The following TSPAN5 variants were observed in gnomAD, a reference collection of about 807,000 sequenced individuals.
The protein encoded by TSPAN5 is tetraspanin-5.
TSPAN5 carries 10 observed loss-of-function variants against 37.1 expected under a neutral mutation model. The observed-to-expected ratio is 0.27, with a 90% CI of 0.17 to 0.46. The LOEUF (loss-of-function observed/expected upper bound fraction) is 0.46, where lower values mean the gene tolerates loss of function less well. Ranked by LOEUF, TSPAN5 falls within the 20% of genes least tolerant of loss-of-function variation. The pLI, the probability that TSPAN5 is intolerant of heterozygous loss-of-function variation, is 1.00. For synonymous variants in TSPAN5, 110 were observed against 118.9 expected (o/e 0.93, Z 0.48); for missense variants, 195 against 326.6 (o/e 0.60, Z 3.11).
intron 3 of TSPAN5, among the ~76,000 whole-genome samples, chr4:98,485,762 C>CTTTTTTTTTTTTTTTTTTTTT (rs766494512): frequency 1.2e-5 from 1 of 86,602 alleles, no homozygotes; most frequent in African/African-American, 4.5e-5. Flanking sequence ...CTTGGATATG[C>CTTTTTTTTTTTTTTTTTTTTT]TTTTTTTTTT....
intron 1 of TSPAN5, among the ~76,000 whole-genome samples, chr4:98,588,573 T>C (rs991579453): frequency 4.6e-5 from 7 of 152,222 alleles, no homozygotes; most frequent in African/African-American, 1.7e-4. Context: ...CACTCATTAT[T>C]GTTGAAATCT....
At chr4:98,484,048 GTTTT>G in intron 3 of TSPAN5, 3 of 189,954 alleles carry the variant, frequency 1.6e-5, no homozygotes, top group South Asian at 1.0e-4. Context: ...TTTTAATTCA[GTTTT>G]TGTTCTCACC....
chr4:98,566,266 T>C (rs1578996869), intron 1 of TSPAN5, among the ~76,000 whole-genome samples: 1 of 130,324 alleles, frequency 7.7e-6, no homozygotes, highest in East Asian at 2.2e-4. Context: ...CTGATTGTGC[T>C]AAACACAAAG....
chr4:98,635,575 G>C (rs1303188823), intron 1 of TSPAN5, among the ~76,000 whole-genome samples: 1 of 152,104 alleles, frequency 6.6e-6, no homozygotes, highest in Non-Finnish European at 1.5e-5. Context: ...ACCCACCTTC[G>C]ATTTATCCTT....
intron 1 of TSPAN5, among the ~76,000 whole-genome samples, chr4:98,605,706 C>T (rs2110226435): frequency 6.6e-6 from 1 of 152,310 alleles, no homozygotes; most frequent in East Asian, 1.9e-4. Flanking sequence ...ACAGGAGGAA[C>T]TAATTTTTAA....
intron 1 of TSPAN5, among the ~76,000 whole-genome samples, chr4:98,513,975 C>T (rs1753674543): frequency 6.6e-6 from 1 of 152,030 alleles, no homozygotes; most frequent in Non-Finnish European, 1.5e-5. Context: ...AAAAACATAG[C>T]AATTACATTG....
At chr4:98,615,392 T>C (rs1033127144) in intron 1 of TSPAN5, among the ~76,000 whole-genome samples, 2 of 152,230 alleles carry the variant, frequency 1.3e-5, no homozygotes, top group African/African-American at 4.8e-5. Context: ...TTCTTTCCAA[T>C]CATTTTGTTC....
At chr4:98,485,697 T>C (rs1752944159) in intron 3 of TSPAN5, among the ~76,000 whole-genome samples, 1 of 151,128 alleles carries the variant, frequency 6.6e-6, no homozygotes, top group Non-Finnish European at 1.5e-5. Context: ...TGGAGGATGA[T>C]GTGGCAGAAA....
At chr4:98,499,313 C>T (rs1174885263) in intron 2 of TSPAN5, among the ~76,000 whole-genome samples, 1 of 152,226 alleles carries the variant, frequency 6.6e-6, no homozygotes, top group Non-Finnish European at 1.5e-5. Context: ...CCCTTCCCTC[C>T]TCAGGGGCCA....
At chr4:98,480,163 C>A (rs1163868443) in intron 4 of TSPAN5, among the ~76,000 whole-genome samples, 1 of 152,026 alleles carries the variant, frequency 6.6e-6, no homozygotes, top group Non-Finnish European at 1.5e-5. Flanking sequence ...CCAGATCCCG[C>A]AATAATGGAG....
intron 1 of TSPAN5, among the ~76,000 whole-genome samples, chr4:98,603,102 A>G (rs945260040): frequency 6.6e-6 from 1 of 152,092 alleles, no homozygotes; most frequent in Non-Finnish European, 1.5e-5. Flanking sequence ...ATACCTTTGA[A>G]CTCAAAAATT....
chr4:98,579,892 A>G (rs933626626), intron 1 of TSPAN5, among the ~76,000 whole-genome samples: 1 of 152,246 alleles, frequency 6.6e-6, no homozygotes, highest in Non-Finnish European at 1.5e-5. Flanking sequence ...TCACACATTC[A>G]TATTAGATGC....
intron 1 of TSPAN5, among the ~76,000 whole-genome samples, chr4:98,638,660 A>G (rs1756906218): frequency 6.6e-6 from 1 of 152,232 alleles, no homozygotes; most frequent in African/African-American, 2.4e-5. Flanking sequence ...ACCACCCTAC[A>G]GGAACCTCCA....
At chr4:98,502,555 C>A (rs1264546264) in intron 2 of TSPAN5, among the ~76,000 whole-genome samples, 1 of 152,100 alleles carries the variant, frequency 6.6e-6, no homozygotes, top group Non-Finnish European at 1.5e-5. Context: ...TTCCCAAGTA[C>A]CTGGATGAGA....
At chr4:98,543,415 T>C (rs56343142) in intron 1 of TSPAN5, among the ~76,000 whole-genome samples, 67,869 of 141,172 alleles carry the variant, frequency 0.48, 16,271 homozygotes, top group South Asian at 0.61. Flanking sequence ...TCTGCTACTT[T>C]AGAATTTTTT....
At chr4:98,658,097 C>T (rs748264269) in intron 1 of TSPAN5, 49 bp downstream of exon 1, 14 of 1,525,440 alleles carry the variant, frequency 9.2e-6, no homozygotes, top group Non-Finnish European at 1.1e-5. Context: ...GAAATCGTCG[C>T]GAATCGATCG....
intron 7 of TSPAN5, among the ~76,000 whole-genome samples, chr4:98,474,544 T>A (rs1365180383): frequency 6.6e-6 from 1 of 151,986 alleles, no homozygotes; most frequent in Non-Finnish European, 1.5e-5. Flanking sequence ...GACAGGGTTT[T>A]GTCATGTTGC....
chr4:98,566,335 A>G (rs1755003833), intron 1 of TSPAN5, among the ~76,000 whole-genome samples: 1 of 150,706 alleles, frequency 6.6e-6, no homozygotes, highest in Non-Finnish European at 1.5e-5. Context: ...TGGCTTGTAA[A>G]AACCTTATGG....
intron 2 of TSPAN5, among the ~76,000 whole-genome samples, chr4:98,499,412 A>T (rs923967605): frequency 2.6e-5 from 4 of 152,206 alleles, no homozygotes; most frequent in Admixed American, 6.5e-5. Context: ...CTGGGCCTGG[A>T]TCTGTGCCTC....
Sources: gnomAD v4.1 joint callset for allele counts (sites outside exome capture counted in the v4.1 genomes callset) on GRCh38, gnomAD v4.1.1 for gene constraint, MANE v1.5 for transcripts, NCBI Gene and HGNC (gene_info 2026-07-23, HGNC 2026-07-21) for gene names.